Variants in NDRG2 observed in about 807,000 individuals in gnomAD.
The protein encoded by NDRG2 is NDRG family member 2.
NDRG2 carries 34 observed loss-of-function variants against 58.2 expected under a neutral mutation model. The ratio of observed to expected loss-of-function variants is 0.58; its 90% CI spans 0.44 to 0.78. The LOEUF (loss-of-function observed/expected upper bound fraction) is 0.78. NDRG2 is among the 30% of genes least tolerant of loss of function. The probability of loss-of-function intolerance (pLI) is 0.00; values close to 1 mark genes in which losing one functional copy is unlikely to be tolerated. For synonymous variants in NDRG2, 187 were observed against 175.9 expected (o/e 1.06, Z -0.50); for missense variants, 434 against 471.2 (o/e 0.92, Z 0.73).
At chr14:21,033,723 C>T (rs766771821) in intron 1 of NDRG2, 38 of 911,740 alleles carry the variant, frequency 4.2e-5, no homozygotes, top group East Asian at 4.8e-5. Flanking sequence ...CTGCCTGCCT[C>T]GTAAGTCAGG....
chr14:21,070,480 C>T lies in NDRG2; in HGVS notation c.24+348G>A, dbSNP rs1261599998. 1 of 1,345,364 alleles carries T rather than the reference C, an allele frequency of 7.4e-7. No individual in the cohort carries two copies. The highest frequency in any genetic ancestry group is 9.5e-7 in the Non-Finnish European group (1 of 1,049,790). The allele number at this position is 1,345,364 out of a possible 1,614,324, so 83.3% of individuals were successfully genotyped here. A position where few individuals can be genotyped will look rare whatever the true frequency, so the allele number is the denominator to read the frequency against. ...GGGCCCCCAAGTCCTCAGCCTGGTG[C>T]CTCCCGAGCCTGCCTCGGACTGTTC... is the stretch of plus-strand genomic sequence containing the variant. On this transcript the variant is annotated intron_variant, in intron 1 of 14. Transcript: ENST00000403829. This position sits in a 1 kb window ranked among gnomAD's most constrained non-coding sequence, Gnocchi z 4.7.
chr14:21,018,260 C>T, intron 13 of NDRG2, 21 bp from the exon 14 acceptor site: 1 of 1,613,554 alleles, frequency 6.2e-7, no homozygotes, highest in East Asian at 2.2e-5. Context: ...GAGCACCACC[C>T]AGAAAAAGTG....
chr14:21,059,805 G>A (rs1304062009), intron 1 of NDRG2, among the ~76,000 whole-genome samples: 2 of 152,184 alleles, frequency 1.3e-5, no homozygotes, highest in South Asian at 2.1e-4. Context: ...GATTATAGGC[G>A]TCAGCCATGG....
intron 1 of NDRG2, among the ~76,000 whole-genome samples, chr14:21,060,082 T>C (rs1255010589): frequency 6.6e-6 from 1 of 152,180 alleles, no homozygotes; most frequent in African/African-American, 2.4e-5. Context: ...CCCCATGCTA[T>C]CTCTGCCTCC....
Position 21,040,956 on chromosome 14 carries a change from G to A in NDRG2, c.25-17635C>T, listed in dbSNP as rs1002733456. ...TGGAATGTAAGCTCTACAAAGGCAG[G>A]GACTTTTGTCTTTGTTTTTTGTTGT... On this transcript the variant is annotated intron_variant, in intron 1 of 14. Transcript: ENST00000403829. 4.0e-5 allele frequency among the ~76,000 whole-genome samples: 6 copies of A among 149,296 alleles called. No homozygotes were observed. The South Asian group carries it at 1.3e-3, about 32-fold the overall frequency.
chr14:21,026,894 G>A (rs1192792611), upstream of NDRG2, among the ~76,000 whole-genome samples: 1 of 152,216 alleles, frequency 6.6e-6, no homozygotes, highest in Non-Finnish European at 1.5e-5. Flanking sequence ...AGGTGCGCAA[G>A]ACAGGAGAGA....
chr14:21,045,962 A>G (rs1050461433), intron 1 of NDRG2, among the ~76,000 whole-genome samples: 4 of 152,216 alleles, frequency 2.6e-5, no homozygotes, highest in Non-Finnish European at 4.4e-5. Flanking sequence ...TTTGTTTCAA[A>G]AGGCAGCAGG....
chr14:21,034,425 AC>A (rs1476717589), intron 1 of NDRG2: 7 of 673,670 alleles, frequency 1.0e-5, no homozygotes, highest in Non-Finnish European at 1.5e-5. Flanking sequence ...AGTTCTCATG[AC>A]CCAGAAAGAG....
At position 21,068,124 on chromosome 14, in the gene NDRG2, C is replaced by CGAGT. The variant is rs1333071911; in HGVS notation, c.24+2700_24+2703dup. Among the ~76,000 whole-genome samples, 440 of 46,948 alleles carry CGAGT rather than the reference C, an allele frequency of 9.4e-3. 137 individuals carry two copies. The highest frequency in any genetic ancestry group is 0.019 in the African/African-American group (416 of 21,486). The allele number at this position is 46,948 out of a possible 152,430, so 30.8% of individuals were successfully genotyped here. ...ACGCCATTCTCCTGCCTCAGCCTCC[C>CGAGT]GAGTAGCTGGGACTACAGGCGCCCG... is the stretch of plus-strand genomic sequence containing the variant. On this transcript the variant is annotated intron_variant, in intron 1 of 14. Coordinates refer to the NDRG2 transcript ENST00000403829.
At chr14:21,031,284 G>A (rs1034947816) in intron 1 of NDRG2, 4 of 1,341,578 alleles carry the variant, frequency 3.0e-6, no homozygotes, top group Non-Finnish European at 4.0e-6. Context: ...AGACTTTAGA[G>A]ATCATCTAGA....
chr14:21,063,527 T>C (rs2139164229), intron 1 of NDRG2, among the ~76,000 whole-genome samples: 1 of 152,074 alleles, frequency 6.6e-6, no homozygotes, highest in Admixed American at 6.6e-5. Flanking sequence ...AGGTAGACAC[T>C]AAGTACAAAA....
chr14:21,035,684 T>G, intron 1 of NDRG2: 2 of 436,502 alleles, frequency 4.6e-6, no homozygotes, highest in South Asian at 3.3e-5. Flanking sequence ...AAGATTGGTG[T>G]TCCTCATGTA....
chr14:21,049,976 C>T (rs1201142483), intron 1 of NDRG2, among the ~76,000 whole-genome samples: 2 of 152,064 alleles, frequency 1.3e-5, no homozygotes, highest in Non-Finnish European at 2.9e-5. Flanking sequence ...TGGGTTTCAC[C>T]ATGTTGGTCA....
chr14:21,025,338 TCCCTCAG>T (rs1883341863), upstream of NDRG2: 1 of 983,108 alleles, frequency 1.0e-6, no homozygotes, highest in African/African-American at 1.8e-5. The surrounding 1 kb of genome is among the most constrained non-coding windows in gnomAD (Gnocchi z 5.1). Context: ...AGTGCGGGGA[TCCCTCAG>T]CCCTGAGAGG....
At chr14:21,050,240 G>C (rs1885405062) in intron 1 of NDRG2, among the ~76,000 whole-genome samples, 3 of 152,140 alleles carry the variant, frequency 2.0e-5, no homozygotes, top group African/African-American at 4.8e-5. Flanking sequence ...TTGTATCATT[G>C]AGATGGGAAA....
At chr14:21,064,775 T>C (rs2139167388) in intron 1 of NDRG2, among the ~76,000 whole-genome samples, 1 of 152,352 alleles carries the variant, frequency 6.6e-6, no homozygotes, top group East Asian at 1.9e-4. Context: ...TAAGCGACTT[T>C]GGAACCTTTC....
chr14:21,070,521 C>T lies in NDRG2; in HGVS notation c.24+307G>A, dbSNP rs911444344. Reference sequence around the variant, plus strand: ...CGGACTGTTCGGCCCCTCTGGGACTCTCCTCCCTCCCATCCCCCCTTCTTC... The same window carrying T: ...CGGACTGTTCGGCCCCTCTGGGACTTTCCTCCCTCCCATCCCCCCTTCTTC... On this transcript the variant is annotated intron_variant, in intron 1 of 14. Transcript: ENST00000403829. The surrounding 1 kb of genome is among the most constrained non-coding windows in gnomAD (Gnocchi z 4.7). The T allele has an allele frequency of 3.4e-6, 4 of 1,189,734 alleles. No homozygotes were observed. Among genetic ancestry groups the T allele is most frequent in the Non-Finnish European group, 4.5e-6 (4 of 892,350 alleles). 73.7% of individuals were successfully genotyped at this position (1,189,734 alleles called of 1,614,324 possible).
At chr14:21,061,112 A>G (rs1442078511) in intron 1 of NDRG2, among the ~76,000 whole-genome samples, 3 of 152,160 alleles carry the variant, frequency 2.0e-5, no homozygotes, top group Admixed American at 2.0e-4. Flanking sequence ...GAAGAAACCA[A>G]ATGGATTCTG....
chr14:21,018,748 A>T lies in NDRG2; in HGVS notation c.813+15T>A, dbSNP rs777735355. On this transcript the variant is annotated intron_variant, in intron 12 of 15. Coordinates refer to ENST00000556147, the MANE Select transcript of NDRG2 (RefSeq NM_001320329.2). ...CAACCCTCCTCCCTCACTCACCCCA[A>T]AATTCCCTACTAACCACTGCATCTT... 1.2e-6 allele frequency: 2 copies of T among 1,613,858 alleles called. No individual in the cohort carries two copies. The highest frequency in any genetic ancestry group is 1.7e-6 in the Non-Finnish European group (2 of 1,179,986).
Sources: gnomAD v4.1 joint callset for allele counts (sites outside exome capture counted in the v4.1 genomes callset) on GRCh38, gnomAD v4.1.1 for gene constraint, Gnocchi (gnomAD v3.1) non-coding constraint, MANE v1.5 for transcripts, NCBI Gene and HGNC (gene_info 2026-07-23, HGNC 2026-07-21) for gene names.